NDC80: variants seen among roughly 807,000 people sequenced by gnomAD.
NDC80 encodes the protein kinetochore protein NDC80 homolog.
Under a neutral mutation model 89.3 loss-of-function variants are expected in NDC80, and 69 were observed. The observed-to-expected ratio is 0.77, with a 90% CI of 0.64 to 0.94. The LOEUF is 0.94. Among genes scored for constraint, NDC80 ranks in the 40% least tolerant of loss-of-function variants. NDC80 has a pLI of 0.00. For synonymous variants in NDC80, 243 were observed against 255.6 expected, an observed-to-expected ratio of 0.95 and a Z score of 0.47; for missense variants, 593 against 739.6, an observed-to-expected ratio of 0.80 and a Z score of 2.30.
intron 11 of NDC80, among the ~76,000 whole-genome samples, chr18:2,597,587 C>T (rs1333677804): frequency 6.6e-6 from 1 of 151,998 alleles, no homozygotes; most frequent in African/African-American, 2.4e-5. Context: ...AAAAAGAAGC[C>T]AGGTGTGGTG....
At chr18:2,613,959 C>T (rs948506953) in intron 16 of NDC80, among the ~76,000 whole-genome samples, 17 of 152,098 alleles carry the variant, frequency 1.1e-4, no homozygotes, top group Non-Finnish European at 2.1e-4. Flanking sequence ...AATTATTTTA[C>T]TTGAATGAGA....
At chr18:2,595,992 A>G (rs2072653444) in intron 11 of NDC80, among the ~76,000 whole-genome samples, 1 of 152,228 alleles carries the variant, frequency 6.6e-6, no homozygotes, top group Admixed American at 6.5e-5. Flanking sequence ...CTAGGCATAG[A>G]GGAAATAAAG....
intron 10 of NDC80, among the ~76,000 whole-genome samples, chr18:2,590,997 C>T (rs2072624965): frequency 6.6e-6 from 1 of 151,798 alleles, no homozygotes; most frequent in Non-Finnish European, 1.5e-5. Context: ...TTCAGTCTCC[C>T]ACGTAGCTGG....
At chr18:2,582,824 T>A (rs927039911) in intron 6 of NDC80, 10 of 152,244 alleles carry the variant, frequency 6.6e-5, no homozygotes, top group Non-Finnish European at 1.5e-4. Context: ...GTTCATGCTT[T>A]GTAAATAAAC....
chr18:2,610,446 A>G (rs891595498), intron 15 of NDC80, among the ~76,000 whole-genome samples: 1 of 151,946 alleles, frequency 6.6e-6, no homozygotes, highest in Non-Finnish European at 1.5e-5. Context: ...CCATTTGCAA[A>G]TTTTTGTCTT....
chr18:2,591,109 G>A (rs527598504), intron 10 of NDC80, among the ~76,000 whole-genome samples: 3 of 152,106 alleles, frequency 2.0e-5, no homozygotes, highest in Admixed American at 2.0e-4. Flanking sequence ...CATCACTACC[G>A]CCTAAGCACC....
At chr18:2,573,792 A>G (rs1425835684) in intron 2 of NDC80, among the ~76,000 whole-genome samples, 1 of 152,206 alleles carries the variant, frequency 6.6e-6, no homozygotes, top group South Asian at 2.1e-4. Flanking sequence ...AAACCAAGAA[A>G]ATGTTTGTGC....
intron 5 of NDC80, among the ~76,000 whole-genome samples, chr18:2,578,687 C>G (rs1280322875): frequency 6.6e-6 from 1 of 152,042 alleles, no homozygotes; most frequent in African/African-American, 2.4e-5. Flanking sequence ...GGAGAGTAGT[C>G]CAGCATATTG....
chr18:2,585,052 C>A, intron 6 of NDC80, 61 bp from the exon 7 acceptor site: 2 of 1,327,176 alleles, frequency 1.5e-6, no homozygotes, highest in South Asian at 1.2e-5. Flanking sequence ...ACAGAATTTG[C>A]CAAAAAATGA....
Position 2,589,228 on chromosome 18 carries a change from T to C in NDC80, c.788T>C (p.Phe263Ser), listed in dbSNP as rs367863450. 2 of 1,612,926 alleles carry C rather than the reference T, an allele frequency of 1.2e-6. No homozygotes were observed. The highest frequency in any genetic ancestry group is 2.7e-5 in the African/African-American group (2 of 74,894). Residue 263 changes from phenylalanine to serine, a missense_variant, in exon 9 of 17, where the codon TTT becomes TCT. Physicochemically the swap from Phe to Ser is radical, Grantham distance 155. Transcript: ENST00000261597. ...KLKDLFNVDA[F>S]KLESLEAKNR... ...GAGGATTTATTTAATGTGGATGCTT[T>C]TAAGCTGGAATCATTAGAAGCAAAA...
chr18:2,597,032 G>C (rs985833036), intron 11 of NDC80, among the ~76,000 whole-genome samples: 1 of 152,052 alleles, frequency 6.6e-6, no homozygotes, highest in African/African-American at 2.4e-5. Context: ...GTTGTGGGGT[G>C]GGGGAGAGGG....
intron 10 of NDC80, among the ~76,000 whole-genome samples, chr18:2,595,071 A>G (rs912092473): frequency 6.6e-6 from 1 of 151,990 alleles, no homozygotes; most frequent in Non-Finnish European, 1.5e-5. Context: ...TTCATGTAGT[A>G]CTTTTTGAAA....
chr18:2,596,342 A>C (rs532847614), intron 11 of NDC80, among the ~76,000 whole-genome samples: 2 of 152,144 alleles, frequency 1.3e-5, no homozygotes, highest in Admixed American at 6.6e-5. Flanking sequence ...AAAAACAAAC[A>C]AACCCATCAA....
In NDC80 at chr18:2,590,049, C is replaced by T; in HGVS notation, c.902C>T (p.Ala301Val). Residue 301 changes from alanine to valine, a missense_variant, in exon 10 of 17, where the codon GCT becomes GTT. Coordinates refer to ENST00000261597, the MANE Select transcript of NDC80 (RefSeq NM_006101.3). ...NRLESLRKLK[A>V]SLQGDVQKYQ... Reference sequence around the variant, plus strand: ...CTAGAGTCGTTGAGAAAACTGAAGGCTTCCTTACAAGGAGATGTTCAAAAG... The same window carrying T: ...CTAGAGTCGTTGAGAAAACTGAAGGTTTCCTTACAAGGAGATGTTCAAAAG... 6.2e-7 allele frequency: 1 copy of T among 1,606,444 alleles called. No homozygotes were observed.
At chr18:2,578,537 C>CA (rs2072560228) in intron 5 of NDC80, among the ~76,000 whole-genome samples, 2 of 150,542 alleles carry the variant, frequency 1.3e-5, no homozygotes, top group African/African-American at 4.9e-5. Context: ...TTACAGAAGC[C>CA]AAAAACAAAA....
rs1314766774 is a variant in NDC80 at position 2,595,551 on chromosome 18, C to A, written c.1151C>A (p.Thr384Asn). Residue 384 changes from threonine to asparagine, a missense_variant, in exon 11 of 17, where the codon ACC (threonine) becomes AAC (asparagine). Physicochemically the swap from Thr to Asn is moderately conservative, Grantham distance 65. Coordinates refer to ENST00000261597, the MANE Select transcript of NDC80 (RefSeq NM_006101.3). ...TTGCAGCAGACTATTAATAAATTAA[C>A]CAAGGACCTGGAAGCTGAACAACAG... The part of the protein sequence containing the change: ...NELQQTINKL[T>N]KDLEAEQQKL... 6.2e-7 allele frequency: 1 copy of A among 1,613,756 alleles called. No individual in the cohort carries two copies. Among genetic ancestry groups the A allele is most frequent in the Admixed American group, 1.7e-5 (1 of 59,996 alleles).
At chr18:2,585,333 A>G in intron 7 of NDC80, 131 bp downstream of exon 7, 3 of 681,470 alleles carry the variant, frequency 4.4e-6, no homozygotes. Context: ...ATATCATGTC[A>G]AAAATGCATT....
chr18:2,580,469 C>A (rs902686458), intron 6 of NDC80, among the ~76,000 whole-genome samples: 3 of 152,078 alleles, frequency 2.0e-5, no homozygotes, highest in South Asian at 2.1e-4. Context: ...AAAGCTAATA[C>A]TGTTCCCCTG....
intron 5 of NDC80, 78 bp from the exon 6 acceptor site, chr18:2,578,849 G>A (rs1462212499): frequency 1.2e-6 from 1 of 855,754 alleles, no homozygotes; most frequent in Non-Finnish European, 1.6e-6. Flanking sequence ...TTTTTTAAAT[G>A]TAACTTCTTG....
Sources: gnomAD v4.1 joint callset for allele counts (sites outside exome capture counted in the v4.1 genomes callset) on GRCh38, gnomAD v4.1.1 for gene constraint, MANE v1.5 for transcripts, NCBI Gene and HGNC (gene_info 2026-07-23, HGNC 2026-07-21) for gene names.